The following IQCH variants were observed in gnomAD, a reference collection of about 807,000 sequenced individuals.
IQCH encodes IQ motif containing H.
In IQCH, 98 loss-of-function variants were observed where a neutral mutation model predicts 117.0. The ratio of observed to expected loss-of-function variants is 0.84; its 90% CI spans 0.71 to 0.99. The LOEUF (loss-of-function observed/expected upper bound fraction) is 0.99, where lower values mean the gene tolerates loss of function less well. IQCH is among the 50% of genes least tolerant of loss of function. The pLI is 0.00. For synonymous variants in IQCH, 412 were observed against 448.2 expected (o/e 0.92, Z 1.02); for missense variants, 1,102 against 1,243.8 (o/e 0.89, Z 1.72).
Position 67,426,585 on chromosome 15 carries a change from ATTAT to A in IQCH, c.2505+5012_2505+5015del, listed in dbSNP as rs1036156420. On this transcript the variant is annotated intron_variant, in intron 16 of 20. Coordinates refer to ENST00000335894, the MANE Select transcript of IQCH (RefSeq NM_001031715.3). This position sits in a 1 kb window ranked among gnomAD's most constrained non-coding sequence, Gnocchi z 5.1. ...CAAAAAAAAACCCAACCTCATACTC[ATTAT>A]TTAAACTTACAAACTAAAAAAAAAT... Among the ~76,000 whole-genome samples, 7 of 151,892 alleles carry A rather than the reference ATTAT, an allele frequency of 4.6e-5. No individual in the cohort carries two copies. The highest frequency in any genetic ancestry group is 4.6e-4 in the Admixed American group (7 of 15,230).
At chr15:67,312,393 G>A (rs1596156896) in intron 4 of IQCH, among the ~76,000 whole-genome samples, 2 of 152,082 alleles carry the variant, frequency 1.3e-5, no homozygotes, top group Non-Finnish European at 1.5e-5. Context: ...GGTTCACGAC[G>A]TCCCAAAAGT....
intron 8 of IQCH, among the ~76,000 whole-genome samples, chr15:67,363,235 ATTT>A (rs368949063): frequency 1.5e-5 from 2 of 133,568 alleles, no homozygotes; most frequent in Non-Finnish European, 3.2e-5. Context: ...ACAAATCTTG[ATTT>A]TTTTTTTTTT....
At chr15:67,477,289 C>T (rs1286423658) in intron 18 of IQCH, among the ~76,000 whole-genome samples, 3 of 151,874 alleles carry the variant, frequency 2.0e-5, no homozygotes, top group South Asian at 2.1e-4. Flanking sequence ...CCTCATGATC[C>T]GCCCGCCTCG....
At chr15:67,371,677 T>C (rs1596274589) in intron 8 of IQCH, 1 of 559,424 alleles carries the variant, frequency 1.8e-6, no homozygotes, top group East Asian at 3.1e-5. Flanking sequence ...GAAGTTATCC[T>C]AAGGAATGCG....
At chr15:67,278,240 T>G (rs532530568) in intron 3 of IQCH, among the ~76,000 whole-genome samples, 1 of 152,334 alleles carries the variant, frequency 6.6e-6, no homozygotes, top group East Asian at 1.9e-4. Context: ...TCTGGGAATA[T>G]TCCAAAATAG....
intron 6 of IQCH, among the ~76,000 whole-genome samples, chr15:67,353,008 T>C (rs775982482): frequency 3.9e-5 from 6 of 151,988 alleles, no homozygotes; most frequent in Admixed American, 1.3e-4. Flanking sequence ...TAGCCAGGCG[T>C]GGTGGTGCGC....
In IQCH at chr15:67,459,153, T is replaced by C. The variant is rs72747413; in HGVS notation, c.2506-5974T>C. On this transcript the variant is annotated intron_variant, in intron 16 of 20. Coordinates refer to ENST00000335894, the MANE Select transcript of IQCH (RefSeq NM_001031715.3). This position sits in a 1 kb window ranked among gnomAD's most constrained non-coding sequence, Gnocchi z 4.2. Reference sequence around the variant, plus strand: ...CCCTGATACCAAAAGCTGGGGCCTTTAGTGGGTCATTTATCCTGTCTGAAA... The same window carrying C: ...CCCTGATACCAAAAGCTGGGGCCTTCAGTGGGTCATTTATCCTGTCTGAAA... Among the ~76,000 whole-genome samples, 53 of 152,288 alleles carry C rather than the reference T, an allele frequency of 3.5e-4. No homozygotes were observed. The highest frequency in any genetic ancestry group is 9.8e-4 in the Admixed American group (15 of 15,300).
intron 13 of IQCH, among the ~76,000 whole-genome samples, chr15:67,398,766 A>C (rs1301542701): frequency 6.6e-6 from 1 of 152,148 alleles, no homozygotes; most frequent in Non-Finnish European, 1.5e-5. Flanking sequence ...AGATCTGATC[A>C]AAAAAGAGGA....
intron 16 of IQCH, among the ~76,000 whole-genome samples, chr15:67,460,331 G>A (rs1471306749): frequency 1.3e-5 from 2 of 152,154 alleles, no homozygotes; most frequent in African/African-American, 4.8e-5. Flanking sequence ...GTAACATTTT[G>A]TTATATTCTC....
At chr15:67,418,264 T>C (rs934235795) in intron 15 of IQCH, among the ~76,000 whole-genome samples, 1 of 152,106 alleles carries the variant, frequency 6.6e-6, no homozygotes, top group Non-Finnish European at 1.5e-5. Flanking sequence ...TGTTGGTTAT[T>C]GGAATATACT....
At chr15:67,261,425 G>C (rs1182486335) in intron 2 of IQCH, 31 bp downstream of exon 2, 1 of 1,548,458 alleles carries the variant, frequency 6.5e-7, no homozygotes. Flanking sequence ...TAAAATACTG[G>C]AAGGAGACAA....
chr15:67,285,725 C>CT (rs975787182), intron 4 of IQCH, among the ~76,000 whole-genome samples: 5 of 151,880 alleles, frequency 3.3e-5, no homozygotes, highest in East Asian at 1.9e-4. Context: ...TCCCTGTTGC[C>CT]TTTTTTTGTC....
chr15:67,295,504 CTCTA>C (rs1156598818), intron 4 of IQCH, among the ~76,000 whole-genome samples: 3 of 152,256 alleles, frequency 2.0e-5, no homozygotes, highest in Non-Finnish European at 4.4e-5. Context: ...GATGCTGGAA[CTCTA>C]TCTAGCAGCC....
At chr15:67,347,254 T>C in intron 6 of IQCH, among the ~76,000 whole-genome samples, 1 of 148,402 alleles carries the variant, frequency 6.7e-6, no homozygotes, top group Non-Finnish European at 1.5e-5. Context: ...TCATGGAACA[T>C]TTTTATAAAA....
intron 4 of IQCH, among the ~76,000 whole-genome samples, chr15:67,305,339 A>T (rs1480519347): frequency 1.3e-5 from 2 of 152,124 alleles, no homozygotes; most frequent in African/African-American, 2.4e-5. Context: ...TGCCTACTTC[A>T]TTCGTGTAAC....
intron 14 of IQCH, among the ~76,000 whole-genome samples, chr15:67,410,603 G>A (rs949327946): frequency 6.6e-6 from 1 of 152,222 alleles, no homozygotes; most frequent in African/African-American, 2.4e-5. Context: ...ACCAATCACT[G>A]TAGCCAGGAT....
chr15:67,349,863 A>G (rs1413135946), intron 6 of IQCH, among the ~76,000 whole-genome samples: 1 of 152,204 alleles, frequency 6.6e-6, no homozygotes, highest in Non-Finnish European at 1.5e-5. Context: ...TTAAAACCAC[A>G]GTGGGATACC....
chr15:67,494,701 G>A lies in IQCH; in HGVS notation c.2970+335G>A, dbSNP rs977453313. ...ATCGTCACAACCAAAAATTGCGAATGTTATCTATCTATATTCCAGATAATA... is the reference window on the plus strand; with the variant it reads ...ATCGTCACAACCAAAAATTGCGAATATTATCTATCTATATTCCAGATAATA... On this transcript the variant is annotated intron_variant, in intron 20 of 20. Coordinates refer to ENST00000335894, the MANE Select transcript of IQCH (RefSeq NM_001031715.3). The surrounding 1 kb of genome is among the most constrained non-coding windows in gnomAD (Gnocchi z 5.5). 1.3e-5 allele frequency among the ~76,000 whole-genome samples: 2 copies of A among 152,164 alleles called. No individual in the cohort carries two copies. Among genetic ancestry groups the A allele is most frequent in the African/African-American group, 2.4e-5 (1 of 41,432 alleles).
At chr15:67,442,914 T>C (rs899624196) in intron 16 of IQCH, among the ~76,000 whole-genome samples, 1 of 150,160 alleles carries the variant, frequency 6.7e-6, no homozygotes, top group African/African-American at 2.4e-5. Context: ...TACACACATA[T>C]ATATGATGGA....
Sources: gnomAD v4.1 joint callset for allele counts (sites outside exome capture counted in the v4.1 genomes callset) on GRCh38, gnomAD v4.1.1 for gene constraint, Gnocchi (gnomAD v3.1) non-coding constraint, MANE v1.5 for transcripts, NCBI Gene and HGNC (gene_info 2026-07-23, HGNC 2026-07-21) for gene names.